RANGAP1: variants seen among roughly 807,000 people sequenced by gnomAD.
RANGAP1 encodes the protein ran GTPase-activating protein 1.
Under a neutral mutation model 63.5 loss-of-function variants are expected in RANGAP1, and 38 were observed. The ratio of observed to expected loss-of-function variants is 0.60; its 90% CI spans 0.46 to 0.78. RANGAP1 has a LOEUF of 0.78. RANGAP1 is among the 30% of genes least tolerant of loss of function. The pLI is 0.00. For synonymous variants in RANGAP1, 329 were observed against 310.5 expected (o/e 1.06, Z -0.63); for missense variants, 630 against 740.3 (o/e 0.85, Z 1.73).
intron 1 of RANGAP1, among the ~76,000 whole-genome samples, chr22:41,284,681 G>A (rs1206267266): frequency 6.6e-6 from 1 of 152,172 alleles, no homozygotes; most frequent in Non-Finnish European, 1.5e-5. Context: ...AAACCAGCCT[G>A]GGCAGTATGC....
chr22:41,258,552 T>C (rs1347982070), intron 6 of RANGAP1, among the ~76,000 whole-genome samples: 2 of 152,242 alleles, frequency 1.3e-5, no homozygotes, highest in Non-Finnish European at 2.9e-5. Context: ...CATGGCGTCC[T>C]TCTCTAGGGA....
At chr22:41,260,645 C>G (rs1057071425) in intron 6 of RANGAP1, among the ~76,000 whole-genome samples, 1 of 152,158 alleles carries the variant, frequency 6.6e-6, no homozygotes, top group African/African-American at 2.4e-5. Flanking sequence ...GTCAGGAGTT[C>G]GAGACCACCT....
At chr22:41,300,323 C>T in the RANGAP1 span, among the ~76,000 whole-genome samples, 2 of 151,212 alleles carry the variant, frequency 1.3e-5, no homozygotes, top group Admixed American at 6.6e-5. Flanking sequence ...TCCAACTGGC[C>T]TCAGCATCCT....
At position 41,246,498 on chromosome 22, in the gene RANGAP1, G is replaced by T; in HGVS notation, c.*105C>A. 1 of 1,268,130 alleles carries T rather than the reference G, an allele frequency of 7.9e-7. No individual in the cohort carries two copies. Among genetic ancestry groups the T allele is most frequent in the Non-Finnish European group, 1.1e-6 (1 of 903,422 alleles). 78.6% of individuals were successfully genotyped at this position (1,268,130 alleles called of 1,614,324 possible). ...CATGGGACACAGACCCGCCCTGCCT[G>T]TGGCCAGAGTCCTGTCCAAGGCAAT... On this transcript the variant is annotated 3_prime_UTR_variant, in exon 16 of 16. Transcript: ENST00000356244.
chr22:41,274,934 C>T (rs1274763673), intron 2 of RANGAP1, among the ~76,000 whole-genome samples: 1 of 151,948 alleles, frequency 6.6e-6, no homozygotes, highest in Non-Finnish European at 1.5e-5. Flanking sequence ...TAAAACCAGG[C>T]ATGTAGAGAG....
At chr22:41,246,919 C>A (rs929091732) in intron 15 of RANGAP1, among the ~76,000 whole-genome samples, 1 of 152,242 alleles carries the variant, frequency 6.6e-6, no homozygotes, top group South Asian at 2.1e-4. Context: ...CCAGGCTCTC[C>A]AAGGGCCCTT....
rs569795854 is a variant in RANGAP1 at position 41,250,248 on chromosome 22, C to T, written c.1484-431G>A. Among the ~76,000 whole-genome samples, 7 of 152,342 alleles carry T rather than the reference C, an allele frequency of 4.6e-5. No individual in the cohort carries two copies. In the South Asian group the frequency reaches 1.0e-3, roughly 23 times the overall value. ...ACTTGTTCCCAAAAATGCCCACAGG[C>T]GGGCCCTCAGGGAGCAGGCTTGTGT... is the stretch of plus-strand genomic sequence containing the variant. On this transcript the variant is annotated intron_variant, in intron 13 of 15. Coordinates refer to ENST00000356244, the MANE Select transcript of RANGAP1 (RefSeq NM_002883.4).
chr22:41,269,457 G>A (rs1287928726), intron 3 of RANGAP1, among the ~76,000 whole-genome samples: 7 of 151,916 alleles, frequency 4.6e-5, no homozygotes, highest in Non-Finnish European at 1.0e-4. Flanking sequence ...AGAAGATGCC[G>A]GGCATGGTGG....
At chr22:41,299,412 C>G in the RANGAP1 span, among the ~76,000 whole-genome samples, 1 of 151,772 alleles carries the variant, frequency 6.6e-6, no homozygotes, top group East Asian at 1.9e-4. Flanking sequence ...GATTACAGGC[C>G]TGAGCCACCG....
intron 2 of RANGAP1, among the ~76,000 whole-genome samples, chr22:41,274,928 A>T (rs2035048956): frequency 6.6e-6 from 1 of 152,064 alleles, no homozygotes; most frequent in Non-Finnish European, 1.5e-5. Flanking sequence ...GAGTGTTAAA[A>T]CCAGGCATGT....
rs1156767542 is a variant in RANGAP1 at position 41,251,148 on chromosome 22, G to A, written c.1381-39C>T. ...AGACAATGGTTGGCCTGTGGCACGT[G>A]GTGGAGAGGTACCTGGGCTCTGACG... On this transcript the variant is annotated intron_variant, in intron 12 of 15. Transcript: ENST00000356244. 5 of 1,539,724 alleles carry A rather than the reference G, an allele frequency of 3.2e-6. No homozygotes were observed. The African/African-American group carries it at 5.4e-5, about 17-fold the overall frequency.
At chr22:41,264,555 AAAC>A (rs1276063840) in intron 5 of RANGAP1, 106 bp downstream of exon 5, 1 of 1,352,530 alleles carries the variant, frequency 7.4e-7, no homozygotes, top group East Asian at 2.5e-5. Flanking sequence ...TCTCTTTTGA[AAAC>A]AACGGCTGAC....
In RANGAP1 at chr22:41,257,859, C is replaced by A. The variant is rs984108800; in HGVS notation, c.774+89G>T. 2 of 1,439,136 alleles carry A rather than the reference C, an allele frequency of 1.4e-6. No individual in the cohort carries two copies. Among genetic ancestry groups the A allele is most frequent in the Non-Finnish European group, 1.9e-6 (2 of 1,064,738 alleles). 89.1% of individuals were successfully genotyped at this position (1,439,136 alleles called of 1,614,324 possible). A position where few individuals can be genotyped will look rare whatever the true frequency, so the allele number is the denominator to read the frequency against. On this transcript the variant is annotated intron_variant, in intron 7 of 15. Coordinates refer to ENST00000356244, the MANE Select transcript of RANGAP1 (RefSeq NM_002883.4). This position sits in a 1 kb window ranked among gnomAD's most constrained non-coding sequence, Gnocchi z 4.0. ...GGGGCAGGCAGGGGGTAGAGGAGTC[C>A]CTGCTAAACGGAGCCCCAGCTTCCC...
At chr22:41,271,705 A>C (rs2034840755) in intron 3 of RANGAP1, among the ~76,000 whole-genome samples, 1 of 152,004 alleles carries the variant, frequency 6.6e-6, no homozygotes, top group Admixed American at 6.5e-5. Flanking sequence ...AAAAAAAAAA[A>C]AAAGAGCTTG....
At chr22:41,262,766 T>G (rs1454496377) in intron 5 of RANGAP1, among the ~76,000 whole-genome samples, 1 of 151,984 alleles carries the variant, frequency 6.6e-6, no homozygotes, top group Non-Finnish European at 1.5e-5. Flanking sequence ...TCACCCCCAT[T>G]CTCCCAGATT....
the RANGAP1 span, among the ~76,000 whole-genome samples, chr22:41,294,005 C>T: frequency 6.6e-6 from 1 of 150,566 alleles, no homozygotes; most frequent in African/African-American, 2.5e-5. Flanking sequence ...GCCCATCCTG[C>T]AGTTAGAAAA....
chr22:41,275,438 G>A (rs992957472), intron 2 of RANGAP1, among the ~76,000 whole-genome samples: 12 of 151,896 alleles, frequency 7.9e-5, no homozygotes, highest in Admixed American at 7.9e-4. Context: ...GGTGCAGTGA[G>A]CCGAGATCAT....
chr22:41,262,248 T>A (rs1032602281), intron 5 of RANGAP1, among the ~76,000 whole-genome samples: 13 of 152,102 alleles, frequency 8.5e-5, no homozygotes, highest in African/African-American at 2.9e-4. Context: ...TCTACCCTGG[T>A]TACACCATTA....
intron 3 of RANGAP1, among the ~76,000 whole-genome samples, chr22:41,269,677 G>A (rs1435954651): frequency 1.3e-5 from 2 of 151,440 alleles, no homozygotes; most frequent in Non-Finnish European, 1.5e-5. Flanking sequence ...GGGAGGCAGA[G>A]GTTGTGCTGA....
Sources: allele counts gnomAD v4.1 joint callset (sites outside exome capture counted in the v4.1 genomes callset), GRCh38; gene constraint gnomAD v4.1.1; non-coding constraint Gnocchi (gnomAD v3.1); transcripts MANE v1.5; gene names NCBI Gene and HGNC (gene_info 2026-07-23, HGNC 2026-07-21).